Variants in CSMD1 observed in about 807,000 individuals in gnomAD.
CSMD1 encodes the protein CUB and sushi domain-containing protein 1.
In CSMD1, 213 loss-of-function variants were observed where a neutral mutation model predicts 417.5. That is an observed-to-expected ratio of 0.51 (90% CI 0.46 to 0.57). The LOEUF (loss-of-function observed/expected upper bound fraction) is 0.57. Ranked by LOEUF, CSMD1 falls within the 20% of genes least tolerant of loss-of-function variation. The pLI is 0.00. For synonymous variants in CSMD1, 2,862 were observed against 1,736.8 expected, an observed-to-expected ratio of 1.65 and a Z score of -16.11; for missense variants, 6,923 against 4,529.7, an observed-to-expected ratio of 1.53 and a Z score of -15.17.
intron 2 of CSMD1, among the ~76,000 whole-genome samples, chr8:4,552,389 G>A (rs907422606): frequency 5.9e-5 from 9 of 151,592 alleles, no homozygotes; most frequent in South Asian, 2.1e-4. Context: ...CTCAAATCCC[G>A]AATCCTGTCT....
At chr8:4,271,085 C>G (rs556052129) in intron 3 of CSMD1, among the ~76,000 whole-genome samples, 4 of 152,292 alleles carry the variant, frequency 2.6e-5, no homozygotes, top group South Asian at 4.1e-4. Flanking sequence ...AATGTTGAAG[C>G]TTTCAAAGTC....
intron 49 of CSMD1, among the ~76,000 whole-genome samples, chr8:3,076,451 CT>C (rs1215851433): frequency 1.2e-5 from 1 of 80,340 alleles, no homozygotes; most frequent in East Asian, 2.1e-4. Flanking sequence ...CTCTAACGTA[CT>C]TTTTTTGAGG....
At chr8:3,672,096 T>G (rs767442568) in intron 7 of CSMD1, among the ~76,000 whole-genome samples, 3 of 152,156 alleles carry the variant, frequency 2.0e-5, no homozygotes, top group Non-Finnish European at 4.4e-5. Flanking sequence ...TTCTAAAAGG[T>G]TGATGCAGCG....
At chr8:4,959,810 T>C (rs1434474467) in intron 1 of CSMD1, among the ~76,000 whole-genome samples, 1 of 152,218 alleles carries the variant, frequency 6.6e-6, no homozygotes, top group Non-Finnish European at 1.5e-5. Context: ...TTTTCCCAGA[T>C]ATCCACATAG....
intron 12 of CSMD1, among the ~76,000 whole-genome samples, chr8:3,439,467 C>A (rs1008917582): frequency 2.1e-5 from 3 of 145,498 alleles, no homozygotes; most frequent in African/African-American, 5.1e-5. Flanking sequence ...TGAACATATC[C>A]TAACTCTGTG....
chr8:4,538,882 C>A (rs1250325241), intron 2 of CSMD1, among the ~76,000 whole-genome samples: 1 of 152,102 alleles, frequency 6.6e-6, no homozygotes, highest in African/African-American at 2.4e-5. Flanking sequence ...TCTTGCTTAC[C>A]AAAGTTCCCC....
chr8:4,745,574 C>A (rs528808434), intron 1 of CSMD1, among the ~76,000 whole-genome samples: 1 of 152,134 alleles, frequency 6.6e-6, no homozygotes, highest in Non-Finnish European at 1.5e-5. Context: ...ATGTAGCAGA[C>A]ATTTCTTAGA....
chr8:3,852,697 T>C (rs957047498), intron 5 of CSMD1, among the ~76,000 whole-genome samples: 1 of 151,978 alleles, frequency 6.6e-6, no homozygotes, highest in Non-Finnish European at 1.5e-5. Flanking sequence ...GAGGAGCCTT[T>C]GGAGGCTGTG....
chr8:3,173,854 C>G (rs1268962830), intron 37 of CSMD1, among the ~76,000 whole-genome samples: 1 of 152,100 alleles, frequency 6.6e-6, no homozygotes, highest in East Asian at 1.9e-4. Context: ...TTTGAATGTG[C>G]TTATAAGGAT....
At chr8:3,508,319 G>C (rs1585274153) in intron 10 of CSMD1, among the ~76,000 whole-genome samples, 1 of 147,246 alleles carries the variant, frequency 6.8e-6, no homozygotes, top group South Asian at 2.3e-4. Context: ...AGAACACTTG[G>C]ACACAGGAAG....
In CSMD1 at chr8:3,979,182, A is replaced by G. The variant is rs372375605; in HGVS notation, c.818+18721T>C. Among the ~76,000 whole-genome samples the G allele has an allele frequency of 1.2e-4, 18 of 152,354 alleles. No homozygotes were observed. In the East Asian group the frequency reaches 3.5e-3, roughly 29 times the overall value. The stretch of plus-strand genomic sequence containing the variant: ...TACAACACCTGTGAGATCTTAGCAC[A>G]CTAACAGACAGGGACAGCCAAATCT... On this transcript the variant is annotated intron_variant, in intron 5 of 69. Transcript: ENST00000635120.
intron 5 of CSMD1, among the ~76,000 whole-genome samples, chr8:3,974,746 G>A (rs1450486801): frequency 6.6e-6 from 1 of 151,638 alleles, no homozygotes; most frequent in East Asian, 1.9e-4. Context: ...CTAAATTTTG[G>A]TATACTTACG....
chr8:3,265,869 A>T (rs1166513079), intron 26 of CSMD1, among the ~76,000 whole-genome samples: 1 of 151,918 alleles, frequency 6.6e-6, no homozygotes, highest in Non-Finnish European at 1.5e-5. Context: ...GGAAGAGAAA[A>T]GCGGACTGAG....
intron 2 of CSMD1, among the ~76,000 whole-genome samples, chr8:4,422,203 G>C (rs1042352387): frequency 6.6e-6 from 1 of 151,964 alleles, no homozygotes; most frequent in Admixed American, 6.6e-5. Context: ...AACACCAGTC[G>C]TACACACTTT....
chr8:3,509,080 T>C (rs1307157152), intron 10 of CSMD1, among the ~76,000 whole-genome samples: 1 of 152,166 alleles, frequency 6.6e-6, no homozygotes, highest in East Asian at 1.9e-4. Flanking sequence ...TCCTCCTCTT[T>C]ACCTGGGGAC....
intron 3 of CSMD1, among the ~76,000 whole-genome samples, chr8:4,309,540 T>C (rs925525153): frequency 1.3e-5 from 2 of 152,154 alleles, no homozygotes; most frequent in Admixed American, 1.3e-4. Context: ...AGACAAAGTA[T>C]AAATCATAGG....
At position 3,205,632 on chromosome 8, in the gene CSMD1, A is replaced by G. The variant is rs749121610; in HGVS notation, c.4868-12T>C. On this transcript the variant is annotated splice_polypyrimidine_tract_variant and intron_variant, in intron 30 of 69. Transcript: ENST00000635120. Reference sequence around the variant, plus strand: ...GCCTCCACAGGGAGCTGAAAATAAAATCAACCGAGAATTAGTCGCTGTGCA... The same window carrying G: ...GCCTCCACAGGGAGCTGAAAATAAAGTCAACCGAGAATTAGTCGCTGTGCA... 1.5e-6 allele frequency: 2 copies of G among 1,359,058 alleles called. No individual in the cohort carries two copies. The highest frequency in any genetic ancestry group is 1.3e-5 in the South Asian group (1 of 78,778). The allele number at this position is 1,359,058 out of a possible 1,614,324, so 84.2% of individuals were successfully genotyped here.
Position 4,215,688 on chromosome 8 carries a change from T to A in CSMD1, c.416-183589A>T, listed in dbSNP as rs144889932. 3.8e-3 allele frequency among the ~76,000 whole-genome samples: 577 copies of A among 152,304 alleles called. 6 individuals carry two copies. Among genetic ancestry groups the A allele is most frequent in the African/African-American group, 0.013 (553 of 41,558 alleles). On this transcript the variant is annotated intron_variant, in intron 3 of 69. Transcript: ENST00000635120. ...TGAGGTTTTCTAAAAACACAGACTT[T>A]AATATGCAGATTCTTTAAAACTCAA...
chr8:4,306,017 G>C (rs955396158), intron 3 of CSMD1, among the ~76,000 whole-genome samples: 3 of 152,120 alleles, frequency 2.0e-5, no homozygotes, highest in Admixed American at 6.6e-5. Flanking sequence ...ATTATACTCG[G>C]TGCATTTGCT....
Sources: gnomAD v4.1 joint callset for allele counts (sites outside exome capture counted in the v4.1 genomes callset) on GRCh38, gnomAD v4.1.1 for gene constraint, MANE v1.5 for transcripts, NCBI Gene and HGNC (gene_info 2026-07-23, HGNC 2026-07-21) for gene names.